The following PXDN variants were observed in gnomAD, a reference collection of about 807,000 sequenced individuals.
The protein encoded by PXDN is peroxidasin.
PXDN carries 77 observed loss-of-function variants against 140.3 expected under a neutral mutation model. The ratio of observed to expected loss-of-function variants is 0.55; its 90% CI spans 0.46 to 0.66. PXDN has a LOEUF of 0.66. PXDN is among the 30% of genes least tolerant of loss of function. The pLI is 0.00. For synonymous variants in PXDN, 911 were observed against 857.4 expected, an observed-to-expected ratio of 1.06 and a Z score of -1.09; for missense variants, 1,838 against 2,039.5, an observed-to-expected ratio of 0.90 and a Z score of 1.90.
rs2125398141 is a variant in PXDN, at chr2:1,633,289, C to T, written c.*915G>A. On this transcript the variant is annotated 3_prime_UTR_variant, in exon 23 of 23. Coordinates refer to ENST00000252804, the MANE Select transcript of PXDN (RefSeq NM_012293.3). ...GCTCTTGTTCAGGACGTGGACGCAA[C>T]CAGGGCCGGCTGGGAGCGGCGTTGT... is the stretch of plus-strand genomic sequence containing the variant. 6.6e-6 allele frequency: 1 copy of T among 151,724 alleles called. No individual in the cohort carries two copies. Among genetic ancestry groups the T allele is most frequent in the Middle Eastern group, 3.4e-3 (1 of 294 alleles). 9.4% of individuals were successfully genotyped at this position (151,724 alleles called of 1,614,324 possible). A position where few individuals can be genotyped will look rare whatever the true frequency, so the allele number is the denominator to read the frequency against.
chr2:1,638,857 G>A lies in PXDN; in HGVS notation c.4195C>T (p.Leu1399Phe). ...VLEMQKTITD[L>F]RTQIKKLESR... is the part of the protein sequence containing the mutation. ...GCCAGGCACCTCACCTGTGTTCTGA[G>A]GTCTGTGATGGTCTTCTGCATTTCC... is the stretch of plus-strand genomic sequence containing the variant. The change falls in exon 21 of 23, where the codon CTC (leucine) becomes TTC (phenylalanine). Residue 1399 changes from leucine to phenylalanine, a missense_variant. Transcript: ENST00000252804. The A allele has an allele frequency of 1.2e-6, 2 of 1,614,002 alleles. No individual in the cohort carries two copies. Among genetic ancestry groups the A allele is most frequent in the Non-Finnish European group, 1.7e-6 (2 of 1,179,878 alleles).
At chr2:1,703,372 A>G (rs1684493237) in intron 1 of PXDN, among the ~76,000 whole-genome samples, 1 of 32,322 alleles carries the variant, frequency 3.1e-5, no homozygotes, top group Non-Finnish European at 5.7e-5. Context: ...CTCCAGGTGA[A>G]GTGGGGGACA....
intron 19 of PXDN, 61 bp downstream of exon 19, chr2:1,643,307 G>A (rs1016464753): frequency 2.6e-5 from 40 of 1,531,896 alleles, no homozygotes; most frequent in Middle Eastern, 1.9e-4. Flanking sequence ...TTAAGCACCC[G>A]CCAAGCAGTC....
intron 1 of PXDN, among the ~76,000 whole-genome samples, chr2:1,731,173 C>CAT (rs1193474050): frequency 6.6e-6 from 1 of 151,958 alleles, no homozygotes; most frequent in African/African-American, 2.4e-5. Context: ...CACACACACA[C>CAT]ACACACATGA....
At chr2:1,679,907 ATGG>A (rs1478222331) in intron 7 of PXDN, among the ~76,000 whole-genome samples, 6 of 117,208 alleles carry the variant, frequency 5.1e-5, no homozygotes, top group Admixed American at 2.7e-4. Context: ...GTGTGTGTAA[ATGG>A]TGTGTGTGTG....
chr2:1,655,571 C>T (rs1683113107), intron 14 of PXDN, among the ~76,000 whole-genome samples: 1 of 151,134 alleles, frequency 6.6e-6, no homozygotes, highest in Non-Finnish European at 1.5e-5. Flanking sequence ...ACCTGCCCCT[C>T]CTGACAGAAA....
At chr2:1,716,403 A>G (rs1233879693) in intron 1 of PXDN, among the ~76,000 whole-genome samples, 1 of 131,006 alleles carries the variant, frequency 7.6e-6, no homozygotes, top group Admixed American at 9.4e-5. Context: ...ATGCCACTGC[A>G]CTCCAGCCTG....
chr2:1,643,661 T>C (rs1682781532), intron 18 of PXDN, 85 bp from the exon 19 acceptor site: 4 of 1,419,752 alleles, frequency 2.8e-6, no homozygotes, highest in Non-Finnish European at 4.0e-6. Context: ...CTCCCCTGCT[T>C]AGTTCACAGC....
At chr2:1,729,764 G>C (rs1475824595) in intron 1 of PXDN, among the ~76,000 whole-genome samples, 1 of 152,132 alleles carries the variant, frequency 6.6e-6, no homozygotes, top group African/African-American at 2.4e-5. Flanking sequence ...AATCTAGACA[G>C]ACACACACAA....
chr2:1,637,811 T>G (rs533193585), intron 21 of PXDN, among the ~76,000 whole-genome samples: 2 of 148,792 alleles, frequency 1.3e-5, no homozygotes, highest in African/African-American at 5.0e-5. Context: ...ACACCTGGTC[T>G]CTAGGCTGCG....
chr2:1,660,863 G>C lies in PXDN; in HGVS notation c.1837+18C>G. 1 of 1,602,454 alleles carries C rather than the reference G, an allele frequency of 6.2e-7. No individual in the cohort carries two copies. The highest frequency in any genetic ancestry group is 1.7e-5 in the Admixed American group (1 of 59,688). The stretch of plus-strand genomic sequence containing the variant: ...TTGTGGATACCATGTGGGTAGATGT[G>C]GGCATGTGGCATCTTACCATTCACA... On this transcript the variant is annotated intron_variant, in intron 14 of 22. Transcript: ENST00000252804. The surrounding 1 kb of genome is among the most constrained non-coding windows in gnomAD (Gnocchi z 4.6).
chr2:1,676,699 T>G, intron 8 of PXDN: 1 of 573,990 alleles, frequency 1.7e-6, no homozygotes. Flanking sequence ...GGCACCCCTG[T>G]GCTGCCCAGG....
In PXDN at chr2:1,653,719, T is replaced by G; in HGVS notation, c.2013A>C (p.Glu671Asp). 1 of 1,603,474 alleles carries G rather than the reference T, an allele frequency of 6.2e-7. No individual in the cohort carries two copies. Among genetic ancestry groups the G allele is most frequent in the South Asian group, 1.1e-5 (1 of 88,522 alleles). ...CAAAGATTTCTCCCGCCCGTGCCTG[T>G]TCAACTGTGTAAGGATCCCTCGGAT... ...FRYPRDPYTVEQARAGEIFER... is the reference protein window; with the variant it reads ...FRYPRDPYTVDQARAGEIFER... Residue 671 changes from glutamate to aspartate, a missense_variant, in exon 16 of 23, where the codon GAA becomes GAC. Physicochemically the swap from Glu to Asp is conservative, Grantham distance 45. Coordinates refer to ENST00000252804, the MANE Select transcript of PXDN (RefSeq NM_012293.3).
chr2:1,740,387 G>A (rs1685514901), intron 1 of PXDN, among the ~76,000 whole-genome samples: 1 of 152,192 alleles, frequency 6.6e-6, no homozygotes, highest in Non-Finnish European at 1.5e-5. Context: ...GACTCACTCA[G>A]GCGACGCAGT....
intron 13 of PXDN, 121 bp from the exon 14 acceptor site, chr2:1,661,158 T>G: frequency 8.5e-7 from 1 of 1,175,744 alleles, no homozygotes. Flanking sequence ...GCTCCCAGGC[T>G]GCGCTCAGAT....
rs1558494497 is a variant in PXDN at position 1,658,078 on chromosome 2, CT to C, written c.1837+2802del. On this transcript the variant is annotated intron_variant, in intron 14 of 22. Coordinates refer to ENST00000252804, the MANE Select transcript of PXDN (RefSeq NM_012293.3). ...TCTCTCTCTCTCTCTCTCTCTCTCTCTCTCTCTCTCTCTCTGTTACAGTGTC... is the reference window on the plus strand; with the variant it reads ...TCTCTCTCTCTCTCTCTCTCTCTCTCCTCTCTCTCTCTCTGTTACAGTGTC... Among the ~76,000 whole-genome samples the C allele has an allele frequency of 6.9e-3, 537 of 78,002 alleles. 108 individuals are homozygous for C. Among genetic ancestry groups the C allele is most frequent in the East Asian group, 0.025 (83 of 3,278 alleles). 51.2% of individuals were successfully genotyped at this position (78,002 alleles called of 152,430 possible). A position where few individuals can be genotyped will look rare whatever the true frequency, so the allele number is the denominator to read the frequency against.
chr2:1,735,690 G>A (rs1230414904), intron 1 of PXDN, among the ~76,000 whole-genome samples: 1 of 152,184 alleles, frequency 6.6e-6, no homozygotes, highest in Admixed American at 6.5e-5. Flanking sequence ...AGTAGATTTG[G>A]CAGGGTCCTT....
At chr2:1,695,481 G>A (rs559921444) in intron 1 of PXDN, among the ~76,000 whole-genome samples, 1,975 of 83,502 alleles carry the variant, frequency 0.024, 80 homozygotes, top group African/African-American at 0.1. Flanking sequence ...GTGCCCTGCT[G>A]GACAGAGAGG....
chr2:1,729,030 G>T (rs1232329033), intron 1 of PXDN, among the ~76,000 whole-genome samples: 2 of 59,554 alleles, frequency 3.4e-5, no homozygotes, highest in African/African-American at 8.8e-5. Context: ...CTCCCAGTGC[G>T]GGGCCCGGTG....
Sources: allele counts gnomAD v4.1 joint callset (sites outside exome capture counted in the v4.1 genomes callset), GRCh38; gene constraint gnomAD v4.1.1; non-coding constraint Gnocchi (gnomAD v3.1); transcripts MANE v1.5; gene names NCBI Gene and HGNC (gene_info 2026-07-23, HGNC 2026-07-21).